The following CHD7 variants were observed in gnomAD, a reference collection of about 807,000 sequenced individuals.
CHD7 encodes ATP-dependent chromatin remodeler CHD7.
CHD7 carries 24 observed loss-of-function variants against 307.3 expected under a neutral mutation model. The ratio of observed to expected loss-of-function variants is 0.08; its 90% CI spans 0.06 to 0.11. CHD7 has a LOEUF of 0.11. Ranked by LOEUF, CHD7 falls within the 10% of genes least tolerant of loss-of-function variation. The probability of loss-of-function intolerance (pLI) is 1.00; values close to 1 mark genes in which losing one functional copy is unlikely to be tolerated. For missense variants in CHD7, 3,106 were observed against 3,727.1 expected, an observed-to-expected ratio of 0.83 and a Z score of 4.34; for synonymous variants, 1,363 against 1,349.9, an observed-to-expected ratio of 1.01 and a Z score of -0.21.
chr8:60,727,516 T>A (rs369153944), intron 1 of CHD7, among the ~76,000 whole-genome samples: 2 of 152,180 alleles, frequency 1.3e-5, no homozygotes, highest in South Asian at 4.1e-4. Flanking sequence ...GGCACTTGTC[T>A]TACCTTCCCT....
chr8:60,850,113 A>G (rs1366034054), intron 25 of CHD7, among the ~76,000 whole-genome samples: 1 of 152,210 alleles, frequency 6.6e-6, no homozygotes, highest in Non-Finnish European at 1.5e-5. Flanking sequence ...CACAGAGTGG[A>G]TGGGGGTGGA....
At chr8:60,860,581 A>G (rs571878888) in intron 34 of CHD7, among the ~76,000 whole-genome samples, 134 of 152,216 alleles carry the variant, frequency 8.8e-4, no homozygotes, top group Middle Eastern at 6.8e-3. Context: ...ATTACAGGCA[A>G]GTGCCACCAT....
At chr8:60,761,399 A>G (rs560417173) in intron 2 of CHD7, among the ~76,000 whole-genome samples, 14 of 151,482 alleles carry the variant, frequency 9.2e-5, no homozygotes, top group South Asian at 4.2e-4. Context: ...GCTAAATGAC[A>G]AGTTAATGGG....
intron 24 of CHD7, 117 bp from the exon 25 acceptor site, chr8:60,848,934 C>A (rs946868591): frequency 4.8e-6 from 4 of 841,966 alleles, no homozygotes; most frequent in African/African-American, 3.4e-5. Flanking sequence ...CTTGCTGATA[C>A]CTCCCCACCA....
chr8:60,845,504 C>T, intron 23 of CHD7, 95 bp downstream of exon 23: 2 of 1,378,478 alleles, frequency 1.5e-6, no homozygotes, highest in Non-Finnish European at 2.0e-6. Flanking sequence ...AGATGCAGAA[C>T]TCGCAGATTT....
At chr8:60,773,394 C>T (rs540428713) in intron 2 of CHD7, among the ~76,000 whole-genome samples, 50 of 152,324 alleles carry the variant, frequency 3.3e-4, no homozygotes, top group African/African-American at 1.1e-3. Flanking sequence ...GTAAAAACAT[C>T]ATTCAAGTCT....
intron 4 of CHD7, among the ~76,000 whole-genome samples, chr8:60,798,547 T>G (rs966559451): frequency 6.6e-6 from 1 of 152,196 alleles, no homozygotes; most frequent in South Asian, 2.1e-4. Flanking sequence ...TGGGGAAAAG[T>G]ACTGGGATTG....
intron 13 of CHD7, chr8:60,824,271 T>C: frequency 2.3e-6 from 1 of 441,684 alleles, no homozygotes; most frequent in Non-Finnish European, 4.0e-6. Flanking sequence ...GTTTCAAGTA[T>C]TTGTTTTACC....
chr8:60,689,369 A>G (rs1052907750), intron 1 of CHD7, among the ~76,000 whole-genome samples: 4 of 152,266 alleles, frequency 2.6e-5, no homozygotes, highest in Admixed American at 6.5e-5. Flanking sequence ...AGCTATTTAC[A>G]TGAACTATTT....
In CHD7 at chr8:60,862,772, A is replaced by T. The variant is rs1159368400; in HGVS notation, c.8076+120A>T. The T allele has an allele frequency of 4.6e-6, 3 of 655,524 alleles. No homozygotes were observed. The African/African-American group carries it at 5.4e-5, about 12-fold the overall frequency. 40.6% of individuals were successfully genotyped at this position (655,524 alleles called of 1,614,324 possible). On this transcript the variant is annotated intron_variant, in intron 37 of 37. Coordinates refer to ENST00000423902, the MANE Select transcript of CHD7 (RefSeq NM_017780.4). ...TGTAACTTAGCTTAAAAGAATTGAC[A>T]TAATACATCATTTTCATACATCATT... is the stretch of plus-strand genomic sequence containing the variant.
intron 3 of CHD7, among the ~76,000 whole-genome samples, chr8:60,784,647 C>T (rs1185958157): frequency 6.6e-6 from 1 of 152,156 alleles, no homozygotes; most frequent in Non-Finnish European, 1.5e-5. Context: ...TCTGGCACCC[C>T]ATCTTGTTCT....
chr8:60,854,423 C>T lies in CHD7; in HGVS notation c.6836C>T (p.Ala2279Val). Reference sequence around the variant, plus strand: ...GAAAGCAATGCTTCCATGAGCACTGCTAGAGATGAAACCCGAGATGGATTC... The same window carrying T: ...GAAAGCAATGCTTCCATGAGCACTGTTAGAGATGAAACCCGAGATGGATTC... ...DEESNASMSTARDETRDGFYM... is the reference protein window; with the variant it reads ...DEESNASMSTVRDETRDGFYM... Residue 2279 changes from alanine (A) to valine (V), a missense_variant, in exon 32 of 38, where the codon GCT becomes GTT. Around this residue, in one of 10 missense-constraint regions of CHD7, gnomAD observed 1,030 missense variants for 1,165.4 expected, o/e 0.88. Transcript: ENST00000423902. 1 of 1,613,696 alleles carries T rather than the reference C, an allele frequency of 6.2e-7. No homozygotes were observed. Among genetic ancestry groups the T allele is most frequent in the Middle Eastern group, 1.6e-4 (1 of 6,062 alleles).
chr8:60,821,595 C>T (rs1444341313), intron 9 of CHD7, among the ~76,000 whole-genome samples, 195 bp from the exon 10 acceptor site: 1 of 149,836 alleles, frequency 6.7e-6, no homozygotes, highest in Non-Finnish European at 1.5e-5. Flanking sequence ...AGCATATATA[C>T]ACACATACAT....
chr8:60,716,664 G>A (rs1426772188), intron 1 of CHD7, among the ~76,000 whole-genome samples: 1 of 152,126 alleles, frequency 6.6e-6, no homozygotes, highest in Non-Finnish European at 1.5e-5. Flanking sequence ...TTTCCTTTTA[G>A]TTATTTACTT....
intron 23 of CHD7, 23 bp from the exon 24 acceptor site, chr8:60,848,492 C>T: frequency 1.9e-6 from 3 of 1,579,568 alleles, no homozygotes; most frequent in Non-Finnish European, 1.7e-6. Flanking sequence ...AGAACTTTTT[C>T]CCCCCTCTGT....
In CHD7 at chr8:60,853,466, T is replaced by C; in HGVS notation, c.6741T>C (p.Asp2247=). ...AGGATGAAGAGGAAAAGCTGGAGGA[T>C]GACGATAAGTCGGAAGAGTCTTCCC... The part of the protein sequence containing the change: ...SEEDEEEKLE[D]DDKSEESSQP... Residue 2247 remains aspartate, a synonymous_variant, in exon 31 of 38, where the codon GAT becomes GAC. Coordinates refer to ENST00000423902, the MANE Select transcript of CHD7 (RefSeq NM_017780.4). 1 of 1,517,216 alleles carries C rather than the reference T, an allele frequency of 6.6e-7. No homozygotes were observed. Among genetic ancestry groups the C allele is most frequent in the Non-Finnish European group, 8.8e-7 (1 of 1,135,562 alleles). 94.0% of individuals were successfully genotyped at this position (1,517,216 alleles called of 1,614,324 possible).
chr8:60,843,237 G>C (rs1168483697), intron 21 of CHD7, among the ~76,000 whole-genome samples: 1 of 152,188 alleles, frequency 6.6e-6, no homozygotes, highest in Non-Finnish European at 1.5e-5. Context: ...ATCATTATCT[G>C]TGAAGCTGGA....
chr8:60,816,214 A>T (rs1004552286), intron 7 of CHD7, among the ~76,000 whole-genome samples, 173 bp from the exon 8 acceptor site: 9 of 151,256 alleles, frequency 6.0e-5, no homozygotes, highest in African/African-American at 2.2e-4. Context: ...ACTAATATTG[A>T]TTTTCTCTTC....
At chr8:60,689,818 C>T (rs1424973143) in intron 1 of CHD7, among the ~76,000 whole-genome samples, 1 of 152,232 alleles carries the variant, frequency 6.6e-6, no homozygotes, top group Admixed American at 6.5e-5. Flanking sequence ...TTTCACTTAT[C>T]AGTCCAAGAC....
Sources: allele counts gnomAD v4.1 joint callset (sites outside exome capture counted in the v4.1 genomes callset), GRCh38; gene constraint gnomAD v4.1.1; regional missense constraint gnomAD v4.1.1; transcripts MANE v1.5; gene names NCBI Gene and HGNC (gene_info 2026-07-23, HGNC 2026-07-21).